VOPP1: variants seen among roughly 807,000 people sequenced by gnomAD.
VOPP1 encodes WW domain binding protein VOPP1.
A neutral mutation model predicts 23.5 loss-of-function variants in VOPP1; 8 were observed. The ratio of observed to expected loss-of-function variants is 0.34; its 90% CI spans 0.20 to 0.61. The LOEUF is 0.61. Among genes scored for constraint, VOPP1 ranks in the 20% least tolerant of loss-of-function variants. The probability of loss-of-function intolerance (pLI) is 0.78; values close to 1 mark genes in which losing one functional copy is unlikely to be tolerated. For missense variants in VOPP1, 174 were observed against 238.1 expected, an observed-to-expected ratio of 0.73 and a Z score of 1.77; for synonymous variants, 83 against 97.3, an observed-to-expected ratio of 0.85 and a Z score of 0.86.
chr7:55,547,053 T>A (rs1022447759), intron 1 of VOPP1, among the ~76,000 whole-genome samples: 2 of 152,212 alleles, frequency 1.3e-5, no homozygotes, highest in African/African-American at 4.8e-5. Flanking sequence ...CAGAAGGCCA[T>A]GCAATTTGTA....
chr7:55,494,330 G>A (rs149929407), intron 3 of VOPP1, among the ~76,000 whole-genome samples: 1,771 of 152,284 alleles, frequency 0.012, 12 homozygotes, highest in Middle Eastern at 0.02. Context: ...GGCTGGATGT[G>A]TACAGGGTTT....
chr7:55,522,680 C>T (rs117256954), intron 1 of VOPP1, among the ~76,000 whole-genome samples: 1,669 of 152,280 alleles, frequency 0.011, 11 homozygotes, highest in Middle Eastern at 0.02. Flanking sequence ...CAGGGAACAT[C>T]AGAACACAAG....
At chr7:55,448,468 G>T (rs1250702761) in intron 4 of VOPP1, among the ~76,000 whole-genome samples, 1 of 152,138 alleles carries the variant, frequency 6.6e-6, no homozygotes, top group Non-Finnish European at 1.5e-5. Context: ...ATTGTATTTG[G>T]TCTGCATCAT....
intron 2 of VOPP1, among the ~76,000 whole-genome samples, chr7:55,510,688 G>A (rs924626535): frequency 6.6e-6 from 1 of 151,554 alleles, no homozygotes; most frequent in Non-Finnish European, 1.5e-5. Context: ...GCTGCATGCA[G>A]GAGGGAGTCT....
At chr7:55,552,018 G>C (rs1797627730) in intron 1 of VOPP1, among the ~76,000 whole-genome samples, 1 of 106,180 alleles carries the variant, frequency 9.4e-6, no homozygotes, top group African/African-American at 4.1e-5. Flanking sequence ...GTGAGACTGT[G>C]TCCAAAAAAA....
chr7:55,519,236 G>A (rs368833563), intron 2 of VOPP1, among the ~76,000 whole-genome samples: 7 of 152,198 alleles, frequency 4.6e-5, no homozygotes, highest in African/African-American at 1.2e-4. Flanking sequence ...AGAGAAAAGC[G>A]CGAAAGGAAA....
chr7:55,482,233 A>C (rs1453126870), intron 4 of VOPP1, among the ~76,000 whole-genome samples: 1 of 151,916 alleles, frequency 6.6e-6, no homozygotes, highest in Non-Finnish European at 1.5e-5. Context: ...CAGACTGTAT[A>C]TTTCTTCTTC....
intron 1 of VOPP1, among the ~76,000 whole-genome samples, chr7:55,554,380 A>G (rs1193143472): frequency 2.6e-5 from 4 of 152,198 alleles, no homozygotes; most frequent in Admixed American, 6.5e-5. Flanking sequence ...CCATAGGCCA[A>G]TAGGGTACCA....
intron 4 of VOPP1, among the ~76,000 whole-genome samples, chr7:55,476,962 T>C (rs2129010517): frequency 6.6e-6 from 1 of 152,324 alleles, no homozygotes; most frequent in Admixed American, 6.5e-5. Flanking sequence ...ACTGCCTGGA[T>C]CCGGTCTGCC....
At chr7:55,542,313 T>C (rs1797167374) in intron 1 of VOPP1, among the ~76,000 whole-genome samples, 1 of 152,250 alleles carries the variant, frequency 6.6e-6, no homozygotes, top group Non-Finnish European at 1.5e-5. Flanking sequence ...TAATTAATTT[T>C]TGTTAACTAC....
At chr7:55,436,249 C>G (rs1790819076) in intron 4 of VOPP1, 1 of 152,220 alleles carries the variant, frequency 6.6e-6, no homozygotes, top group Admixed American at 6.5e-5. Context: ...AGCAGAGACT[C>G]TGGAGCCTGG....
At chr7:55,506,226 T>C (rs1794713310) in intron 2 of VOPP1, among the ~76,000 whole-genome samples, 1 of 152,220 alleles carries the variant, frequency 6.6e-6, no homozygotes, top group African/African-American at 2.4e-5. Context: ...TCATCTGTGA[T>C]CATCAGGACA....
chr7:55,487,306 T>C (rs1367149437), intron 4 of VOPP1, among the ~76,000 whole-genome samples: 1 of 152,244 alleles, frequency 6.6e-6, no homozygotes. Context: ...GAAAACTATC[T>C]GTCGATGGGA....
intron 3 of VOPP1, among the ~76,000 whole-genome samples, chr7:55,495,939 G>A (rs544348329): frequency 2.6e-5 from 4 of 152,196 alleles, no homozygotes; most frequent in Admixed American, 2.6e-4. Context: ...ACTTGTGGGA[G>A]CTTCTCCAAA....
At chr7:55,507,244 C>T (rs1364895415) in intron 2 of VOPP1, among the ~76,000 whole-genome samples, 2 of 152,126 alleles carry the variant, frequency 1.3e-5, no homozygotes, top group Non-Finnish European at 2.9e-5. Flanking sequence ...AACACCCGTG[C>T]CTGCTGGCTG....
intron 1 of VOPP1, among the ~76,000 whole-genome samples, chr7:55,565,942 C>G (rs886122443): frequency 2.6e-5 from 4 of 152,160 alleles, no homozygotes; most frequent in Admixed American, 2.6e-4. Context: ...TGGATTCACC[C>G]CAGCCCACTT....
intron 3 of VOPP1, among the ~76,000 whole-genome samples, chr7:55,495,041 C>T (rs1793855180): frequency 6.6e-6 from 1 of 151,780 alleles, no homozygotes; most frequent in Non-Finnish European, 1.5e-5. Context: ...TTTTTTGATT[C>T]CTCCCCCCGA....
intron 4 of VOPP1, among the ~76,000 whole-genome samples, chr7:55,445,252 CACACACACACAGACAT>C (rs1282617454): frequency 8.2e-6 from 1 of 122,234 alleles, no homozygotes; most frequent in Non-Finnish European, 1.8e-5. Flanking sequence ...CAGACACACA[CACACACACACAGACAT>C]ACACACACAG....
chr7:55,507,491 A>AT (rs1282926395), intron 2 of VOPP1, among the ~76,000 whole-genome samples: 1 of 152,222 alleles, frequency 6.6e-6, no homozygotes, highest in African/African-American at 2.4e-5. Context: ...GTTTGGTCAT[A>AT]TGCAAACACC....
Sources: allele counts gnomAD v4.1 joint callset (sites outside exome capture counted in the v4.1 genomes callset), GRCh38; gene constraint gnomAD v4.1.1; transcripts MANE v1.5; gene names NCBI Gene and HGNC (gene_info 2026-07-23, HGNC 2026-07-21).